Variants in ANKFN1 observed in about 807,000 individuals in gnomAD.
ANKFN1 encodes the protein ankyrin repeat and fibronectin type III domain containing 1.
In ANKFN1, 74 loss-of-function variants were observed where a neutral mutation model predicts 108.7. The ratio of observed to expected loss-of-function variants is 0.68; its 90% CI spans 0.56 to 0.83. The LOEUF (loss-of-function observed/expected upper bound fraction) is 0.83. Ranked by LOEUF, ANKFN1 falls within the 40% of genes least tolerant of loss-of-function variation. The probability of loss-of-function intolerance (pLI) is 0.00; values close to 1 mark genes in which losing one functional copy is unlikely to be tolerated. For synonymous variants in ANKFN1, 547 were observed against 516.2 expected, an observed-to-expected ratio of 1.06 and a Z score of -0.81; for missense variants, 1,505 against 1,382.3, an observed-to-expected ratio of 1.09 and a Z score of -1.41.
At chr17:56,271,609 T>G (rs1477509267) in intron 3 of ANKFN1, among the ~76,000 whole-genome samples, 1 of 152,180 alleles carries the variant, frequency 6.6e-6, no homozygotes, top group African/African-American at 2.4e-5. Context: ...TCTCAAGTAT[T>G]TGGCCATTGA....
chr17:56,071,783 T>C (rs959988192), intron 4 of ANKFN1, among the ~76,000 whole-genome samples: 1 of 152,204 alleles, frequency 6.6e-6, no homozygotes, highest in African/African-American at 2.4e-5. Flanking sequence ...CAAGGACATA[T>C]CCCAGTGCTT....
Position 56,062,573 on chromosome 17 carries a change from T to TTTTTTTTTTTTTTTTTTTTTTTC in ANKFN1, c.288+16248_288+16249insTTTTTTTTTTTTTTTTTTTTTTC, listed in dbSNP as rs1555589520. On this transcript the variant is annotated intron_variant, in intron 4 of 12. Transcript: ENST00000635860. ...TGTAATCTCTGCTTTTTTTTTTTTT[T>TTTTTTTTTTTTTTTTTTTTTTTC]CTTTCCATTTGCTTGGTAAATTTTC... 1.5e-3 allele frequency among the ~76,000 whole-genome samples: 214 copies of TTTTTTTTTTTTTTTTTTTTTTTC among 145,054 alleles called. 6 individuals are homozygous for TTTTTTTTTTTTTTTTTTTTTTTC. Among genetic ancestry groups the TTTTTTTTTTTTTTTTTTTTTTTC allele is most frequent in the African/African-American group, 5.9e-3 (206 of 35,164 alleles).
intron 4 of ANKFN1, among the ~76,000 whole-genome samples, chr17:56,063,227 T>G (rs1477967559): frequency 6.6e-6 from 1 of 152,178 alleles, no homozygotes; most frequent in Non-Finnish European, 1.5e-5. Flanking sequence ...ATTATATGTC[T>G]TGGGATTGAT....
In ANKFN1 at chr17:56,513,026, C is replaced by T. The variant is rs953147615; in HGVS notation, c.*1757C>T. 2.6e-5 allele frequency among the ~76,000 whole-genome samples: 4 copies of T among 152,122 alleles called. No individual in the cohort carries two copies. Among genetic ancestry groups the T allele is most frequent in the Admixed American group, 2.0e-4 (3 of 15,272 alleles). On this transcript the variant is annotated 3_prime_UTR_variant, in exon 21 of 21. Coordinates refer to ENST00000682825, the MANE Select transcript of ANKFN1 (RefSeq NM_001370326.1). Reference sequence around the variant, plus strand: ...GTGCATGGAGAGTGTTAGAACTAGACGGGCCCATAAAATTTATCTAAGTCC... The same window carrying T: ...GTGCATGGAGAGTGTTAGAACTAGATGGGCCCATAAAATTTATCTAAGTCC...
intron 15 of ANKFN1, among the ~76,000 whole-genome samples, chr17:56,469,037 A>G (rs973602884): frequency 6.6e-6 from 1 of 152,164 alleles, no homozygotes; most frequent in African/African-American, 2.4e-5. Flanking sequence ...ACATGATATA[A>G]TACCTGGTTT....
intron 3 of ANKFN1, among the ~76,000 whole-genome samples, chr17:56,271,192 A>G (rs1045188197): frequency 4.6e-5 from 7 of 151,926 alleles, no homozygotes; most frequent in African/African-American, 1.5e-4. Flanking sequence ...TGTGTTTTGT[A>G]AAGATGGGGT....
intron 4 of ANKFN1, among the ~76,000 whole-genome samples, chr17:56,048,248 G>T (rs937845036): frequency 6.6e-6 from 1 of 151,812 alleles, no homozygotes; most frequent in South Asian, 2.1e-4. Flanking sequence ...ATTGCTTATA[G>T]TTTTTTTCAT....
intron 4 of ANKFN1, among the ~76,000 whole-genome samples, chr17:56,046,503 C>T (rs564216524): frequency 6.6e-6 from 1 of 151,816 alleles, no homozygotes. Context: ...CTTGCATTTT[C>T]TCTGCAGATT....
At chr17:56,252,920 G>A (rs1415823459) in intron 3 of ANKFN1, among the ~76,000 whole-genome samples, 1 of 151,886 alleles carries the variant, frequency 6.6e-6, no homozygotes, top group Non-Finnish European at 1.5e-5. Flanking sequence ...AAATTAGCTG[G>A]GTAGGGTGGT....
chr17:56,223,388 G>T (rs1409011782), intron 2 of ANKFN1, among the ~76,000 whole-genome samples: 1 of 151,740 alleles, frequency 6.6e-6, no homozygotes, highest in Admixed American at 6.6e-5. Flanking sequence ...TGCTTATTTC[G>T]ATTACAAATA....
At chr17:56,494,029 C>A (rs1430650390) in intron 19 of ANKFN1, among the ~76,000 whole-genome samples, 1 of 152,108 alleles carries the variant, frequency 6.6e-6, no homozygotes, top group East Asian at 1.9e-4. Flanking sequence ...ATGCCTGGCA[C>A]ATAGTAAGTA....
At chr17:56,470,992 T>A (rs185317890) in intron 15 of ANKFN1, 41 of 152,292 alleles carry the variant, frequency 2.7e-4, no homozygotes, top group African/African-American at 7.9e-4. Context: ...ACATGCAAGC[T>A]TTTTCCTGAA....
Position 56,510,557 on chromosome 17 carries a change from G to T in ANKFN1, c.2729G>T (p.Ser910Ile). Residue 910 changes from serine (S) to isoleucine (I), a missense_variant, in exon 21 of 21, where the codon AGC (serine) becomes ATC (isoleucine). Coordinates refer to ENST00000682825, the MANE Select transcript of ANKFN1 (RefSeq NM_001370326.1). ...GACTACGACTCCAGCGATGCCCTGA[G>T]CCCCAGAGACCTGGACCTGGTCTAC... ...NSDYDSSDAL[S>I]PRDLDLVYLS... The T allele has an allele frequency of 6.5e-7, 1 of 1,536,198 alleles. No individual in the cohort carries two copies. Among genetic ancestry groups the T allele is most frequent in the Non-Finnish European group, 8.7e-7 (1 of 1,146,918 alleles).
intron 1 of ANKFN1, chr17:56,184,719 A>G (rs1463471493): frequency 6.6e-6 from 1 of 152,226 alleles, no homozygotes; most frequent in Non-Finnish European, 1.5e-5. Flanking sequence ...AATATAAATC[A>G]TCATTCTCGT....
At chr17:56,140,745 T>C (rs1427660964) in intron 4 of ANKFN1, among the ~76,000 whole-genome samples, 3 of 152,228 alleles carry the variant, frequency 2.0e-5, no homozygotes, top group Non-Finnish European at 2.9e-5. Context: ...AATGGCTATA[T>C]AACACATTAA....
chr17:56,411,621 G>A (rs956701849), intron 8 of ANKFN1, among the ~76,000 whole-genome samples: 61 of 152,050 alleles, frequency 4.0e-4, no homozygotes, highest in African/African-American at 1.3e-3. Flanking sequence ...ATTAGCTGTC[G>A]GCTTGTTGTG....
intron 3 of ANKFN1, among the ~76,000 whole-genome samples, chr17:56,285,285 C>G (rs1429128793): frequency 6.6e-6 from 1 of 152,068 alleles, no homozygotes; most frequent in East Asian, 1.9e-4. Flanking sequence ...AGACTTATTC[C>G]CTGGAACTGC....
At chr17:56,345,592 G>A (rs1285238157) in intron 4 of ANKFN1, among the ~76,000 whole-genome samples, 1 of 152,092 alleles carries the variant, frequency 6.6e-6, no homozygotes, top group African/African-American at 2.4e-5. Flanking sequence ...ATCCTAAATG[G>A]CATGAGATGG....
chr17:56,260,589 C>T (rs780991591), intron 3 of ANKFN1, among the ~76,000 whole-genome samples: 13 of 152,072 alleles, frequency 8.5e-5, no homozygotes, highest in Admixed American at 3.9e-4. Flanking sequence ...CAGTAACATA[C>T]GGATTGCATT....
Sources: gnomAD v4.1 joint callset for allele counts (sites outside exome capture counted in the v4.1 genomes callset) on GRCh38, gnomAD v4.1.1 for gene constraint, MANE v1.5 for transcripts, NCBI Gene and HGNC (gene_info 2026-07-23, HGNC 2026-07-21) for gene names.